Variants in MARCHF8 observed in about 807,000 individuals in gnomAD.
The protein encoded by MARCHF8 is membrane associated ring-CH-type finger 8.
Under a neutral mutation model 51.6 loss-of-function variants are expected in MARCHF8, and 40 were observed. The ratio of observed to expected loss-of-function variants is 0.77; its 90% CI spans 0.60 to 1.01. The LOEUF is 1.01. Ranked by LOEUF, MARCHF8 falls within the 50% of genes least tolerant of loss-of-function variation. The probability of loss-of-function intolerance (pLI) is 0.00; values close to 1 mark genes in which losing one functional copy is unlikely to be tolerated. For synonymous variants in MARCHF8, 263 were observed against 280.3 expected, an observed-to-expected ratio of 0.94 and a Z score of 0.62; for missense variants, 685 against 708.6, an observed-to-expected ratio of 0.97 and a Z score of 0.38.
At chr10:45,512,050 T>C (rs2043523063) in intron 2 of MARCHF8, among the ~76,000 whole-genome samples, 1 of 149,632 alleles carries the variant, frequency 6.7e-6, no homozygotes, top group African/African-American at 2.5e-5. Flanking sequence ...AAGGAGCGTC[T>C]CTGCCCGGCC....
At chr10:45,549,505 C>A (rs569848928) in intron 1 of MARCHF8, among the ~76,000 whole-genome samples, 1 of 152,316 alleles carries the variant, frequency 6.6e-6, no homozygotes, top group East Asian at 1.9e-4. Flanking sequence ...AGTTCACCCA[C>A]TACACATGGT....
At chr10:45,523,749 C>G (rs2043747218) in intron 2 of MARCHF8, among the ~76,000 whole-genome samples, 1 of 152,098 alleles carries the variant, frequency 6.6e-6, no homozygotes, top group Admixed American at 6.5e-5. Flanking sequence ...AACTTATATG[C>G]AACACACTGA....
chr10:45,465,621 C>T (rs1842941693), intron 3 of MARCHF8, among the ~76,000 whole-genome samples: 1 of 152,214 alleles, frequency 6.6e-6, no homozygotes, highest in Admixed American at 6.5e-5. Context: ...CAGGATGGCA[C>T]TCGGATTAAG....
intron 1 of MARCHF8, among the ~76,000 whole-genome samples, chr10:45,544,307 C>T (rs2044093980): frequency 6.6e-6 from 1 of 152,194 alleles, no homozygotes; most frequent in Non-Finnish European, 1.5e-5. Flanking sequence ...GGAAAATAGT[C>T]TGGCAGTTTC....
At chr10:45,558,378 C>G (rs1348611393) in intron 1 of MARCHF8, among the ~76,000 whole-genome samples, 4 of 152,182 alleles carry the variant, frequency 2.6e-5, no homozygotes, top group Admixed American at 2.0e-4. Flanking sequence ...AACATGGTAT[C>G]TGTCATTCAC....
intron 1 of MARCHF8, among the ~76,000 whole-genome samples, chr10:45,570,312 T>C (rs1036756831): frequency 2.0e-5 from 3 of 152,128 alleles, no homozygotes; most frequent in African/African-American, 7.2e-5. Flanking sequence ...GAATAATATA[T>C]CATGATACTG....
chr10:45,584,581 T>C (rs1002490239), intron 1 of MARCHF8, among the ~76,000 whole-genome samples: 4 of 152,130 alleles, frequency 2.6e-5, no homozygotes, highest in Admixed American at 1.3e-4. Context: ...AACAACATTA[T>C]ATACAGTGGT....
chr10:45,513,222 TA>T (rs71023122), intron 2 of MARCHF8, among the ~76,000 whole-genome samples: 24 of 150,292 alleles, frequency 1.6e-4, no homozygotes, highest in African/African-American at 4.9e-4. Flanking sequence ...AATGATCAAT[TA>T]AAAAAAAATA....
rs1010172414 is a variant in MARCHF8 at position 45,461,417 on chromosome 10, G to A, written c.1089-6C>T. ...CTCCTTCACAGTGGCAGATCCTATG[G>A]TGGAAGGAAAACCTGTCATTCCAAG... On this transcript the variant is annotated splice_region_variant and splice_polypyrimidine_tract_variant and intron_variant, in intron 5 of 7. Transcript: ENST00000453424. 2.6e-6 allele frequency: 4 copies of A among 1,539,554 alleles called. No homozygotes were observed. Among genetic ancestry groups the A allele is most frequent in the Non-Finnish European group, 2.6e-6 (3 of 1,144,088 alleles).
chr10:45,471,485 T>C (rs1214630566), intron 3 of MARCHF8, among the ~76,000 whole-genome samples: 1 of 152,184 alleles, frequency 6.6e-6, no homozygotes, highest in East Asian at 1.9e-4. Context: ...TCACCAGAAA[T>C]AACACGGTGA....
chr10:45,576,282 G>C (rs1307452023), intron 1 of MARCHF8, among the ~76,000 whole-genome samples: 1 of 152,164 alleles, frequency 6.6e-6, no homozygotes, highest in East Asian at 1.9e-4. Flanking sequence ...AACAAATAGT[G>C]CTGGATCAGT....
At chr10:45,504,245 A>G (rs1331806042) in intron 2 of MARCHF8, among the ~76,000 whole-genome samples, 1 of 152,230 alleles carries the variant, frequency 6.6e-6, no homozygotes, top group East Asian at 1.9e-4. Context: ...TGGGAGTTCA[A>G]GACCAGCCTG....
chr10:45,559,018 G>C (rs1215594960), intron 1 of MARCHF8, among the ~76,000 whole-genome samples: 1 of 152,102 alleles, frequency 6.6e-6, no homozygotes, highest in East Asian at 1.9e-4. Context: ...TTTAAAGAAA[G>C]AAAAGGTATA....
intron 3 of MARCHF8, among the ~76,000 whole-genome samples, chr10:45,466,036 C>A (rs945144473): frequency 6.6e-6 from 1 of 152,218 alleles, no homozygotes; most frequent in African/African-American, 2.4e-5. Context: ...CTAGGCCTGA[C>A]TGCATAAGCC....
Position 45,456,773 on chromosome 10 carries a change from G to A in MARCHF8, c.*1466C>T, listed in dbSNP as rs1179346036. On this transcript the variant is annotated 3_prime_UTR_variant, in exon 8 of 8. Coordinates refer to ENST00000453424, the MANE Select transcript of MARCHF8 (RefSeq NM_001282866.2). Reference sequence around the variant, plus strand: ...TTTGCCTGGAAAACTAGGAAACTGGGTTTTAAAAACAGAATTTTAAGCAGA... The same window carrying A: ...TTTGCCTGGAAAACTAGGAAACTGGATTTTAAAAACAGAATTTTAAGCAGA... 3 of 152,236 alleles carry A rather than the reference G, an allele frequency of 2.0e-5. No individual in the cohort carries two copies. Among genetic ancestry groups the A allele is most frequent in the Non-Finnish European group, 4.4e-5 (3 of 68,056 alleles). The allele number at this position is 152,236 out of a possible 1,614,324, so 9.4% of individuals were successfully genotyped here. A position where few individuals can be genotyped will look rare whatever the true frequency, so the allele number is the denominator to read the frequency against.
At chr10:45,532,315 C>A (rs2043900949) in intron 2 of MARCHF8, among the ~76,000 whole-genome samples, 1 of 152,184 alleles carries the variant, frequency 6.6e-6, no homozygotes, top group Admixed American at 6.5e-5. Flanking sequence ...CCTTCCTGGC[C>A]TAACTGTTGG....
intron 3 of MARCHF8, among the ~76,000 whole-genome samples, chr10:45,467,551 T>C (rs546434045): frequency 6.6e-6 from 1 of 152,300 alleles, no homozygotes; most frequent in East Asian, 1.9e-4. Context: ...CCTAAAAGAC[T>C]GGCCTGATCA....
rs573902248 is a variant in MARCHF8 at position 45,533,987 on chromosome 10, C to T, written c.-78-698G>A. Among the ~76,000 whole-genome samples the T allele has an allele frequency of 9.5e-4, 145 of 152,160 alleles. 3 individuals are homozygous for T. The highest frequency in any genetic ancestry group is 4.6e-3 in the East Asian group (24 of 5,166). ...TCACGAGGTCAGGAGATCGAGACCACCCTGGCTAACACGGTGAAACCCTGT... is the reference window on the plus strand; with the variant it reads ...TCACGAGGTCAGGAGATCGAGACCATCCTGGCTAACACGGTGAAACCCTGT... On this transcript the variant is annotated intron_variant, in intron 1 of 7. Coordinates refer to ENST00000453424, the MANE Select transcript of MARCHF8 (RefSeq NM_001282866.2).
chr10:45,582,598 G>A (rs1318202323), intron 1 of MARCHF8, among the ~76,000 whole-genome samples: 1 of 152,174 alleles, frequency 6.6e-6, no homozygotes, highest in Non-Finnish European at 1.5e-5. Context: ...AGAGAGGTGA[G>A]GCAAGGCTGC....
Sources: gnomAD v4.1 joint callset for allele counts (sites outside exome capture counted in the v4.1 genomes callset) on GRCh38, gnomAD v4.1.1 for gene constraint, MANE v1.5 for transcripts, NCBI Gene and HGNC (gene_info 2026-07-23, HGNC 2026-07-21) for gene names.